The following DLGAP2 variants were observed in gnomAD, a reference collection of about 807,000 sequenced individuals.
DLGAP2 encodes DLG associated protein 2.
In DLGAP2, 26 loss-of-function variants were observed where a neutral mutation model predicts 100.3. The ratio of observed to expected loss-of-function variants is 0.26; its 90% confidence interval spans 0.19 to 0.36. DLGAP2 has a LOEUF of 0.36. Ranked by LOEUF, DLGAP2 falls within the 10% of genes least tolerant of loss-of-function variation. The pLI is 1.00. For synonymous variants in DLGAP2, 886 were observed against 630.1 expected (o/e 1.41, Z -6.08); for missense variants, 1,858 against 1,453.2 (o/e 1.28, Z -4.53).
chr8:1,541,170 A>G (rs1446310918), intron 4 of DLGAP2, among the ~76,000 whole-genome samples: 2 of 152,170 alleles, frequency 1.3e-5, no homozygotes, highest in Admixed American at 1.3e-4. Flanking sequence ...CTTCACCCAA[A>G]TTCTTACCTC....
chr8:1,210,738 G>A (rs1488870196), intron 2 of DLGAP2, among the ~76,000 whole-genome samples: 2 of 151,296 alleles, frequency 1.3e-5, no homozygotes, highest in African/African-American at 4.9e-5. Flanking sequence ...CCCGGCCCTG[G>A]TTCCAATGGC....
intron 3 of DLGAP2, chr8:1,381,334 G>A (rs1796089546): frequency 6.6e-6 from 1 of 152,212 alleles, no homozygotes; most frequent in African/African-American, 2.4e-5. Flanking sequence ...ATGAAAAAAT[G>A]GGCCGTTACG....
intron 2 of DLGAP2, among the ~76,000 whole-genome samples, chr8:997,057 A>C (rs1800802020): frequency 6.6e-6 from 1 of 152,234 alleles, no homozygotes; most frequent in Non-Finnish European, 1.5e-5. Flanking sequence ...GAATAGAGAA[A>C]GTATAATATA....
At chr8:1,023,252 G>T (rs556709077) in intron 2 of DLGAP2, among the ~76,000 whole-genome samples, 1 of 152,214 alleles carries the variant, frequency 6.6e-6, no homozygotes, top group Non-Finnish European at 1.5e-5. Flanking sequence ...AGATATAGCA[G>T]TTCAGAAGTG....
At chr8:1,430,033 C>CATATATATATATATATATAT (rs1797379979) in intron 3 of DLGAP2, among the ~76,000 whole-genome samples, 1 of 24,766 alleles carries the variant, frequency 4.0e-5, no homozygotes, top group African/African-American at 9.3e-5. Flanking sequence ...TATATACACA[C>CATATATATATATATATATAT]ACACACATAT....
At chr8:1,154,043 G>C (rs375766896) in intron 2 of DLGAP2, among the ~76,000 whole-genome samples, 2 of 151,944 alleles carry the variant, frequency 1.3e-5, no homozygotes, top group African/African-American at 4.8e-5. Flanking sequence ...GCATAAACAA[G>C]GGGAATATGG....
intron 2 of DLGAP2, among the ~76,000 whole-genome samples, chr8:1,253,771 G>A (rs1799106903): frequency 1.3e-5 from 2 of 152,204 alleles, no homozygotes; most frequent in South Asian, 2.1e-4. Flanking sequence ...CACTAATGAT[G>A]ATGAATCCAC....
chr8:953,982 T>C (rs1799540192), intron 2 of DLGAP2, among the ~76,000 whole-genome samples: 1 of 152,230 alleles, frequency 6.6e-6, no homozygotes, highest in South Asian at 2.1e-4. Flanking sequence ...CTTGTGCCAC[T>C]GGTGCTGGCT....
At chr8:944,160 C>T (rs1440997098) in intron 2 of DLGAP2, among the ~76,000 whole-genome samples, 1 of 152,232 alleles carries the variant, frequency 6.6e-6, no homozygotes, top group Non-Finnish European at 1.5e-5. Context: ...GGTAACTGAT[C>T]CCTGTGGGGT....
intron 2 of DLGAP2, among the ~76,000 whole-genome samples, chr8:966,629 C>CT (rs998502879): frequency 2.1e-5 from 3 of 146,104 alleles, no homozygotes; most frequent in Non-Finnish European, 3.1e-5. Flanking sequence ...TTGTAACCTT[C>CT]TTTTTCCCTC....
chr8:1,235,238 TCTCTCACACATGGCGTC>T (rs1336876736), intron 2 of DLGAP2, among the ~76,000 whole-genome samples: 1 of 123,798 alleles, frequency 8.1e-6, no homozygotes, highest in Non-Finnish European at 1.6e-5. Context: ...CATGTCTAGT[TCTCTCACACATGGCGTC>T]GTGTCTAGTT....
At chr8:741,852 A>G (rs1038096589) in intron 1 of DLGAP2, among the ~76,000 whole-genome samples, 1 of 152,142 alleles carries the variant, frequency 6.6e-6, no homozygotes, top group African/African-American at 2.4e-5. Flanking sequence ...ACTTTCAAGG[A>G]GAGGAAAGCT....
chr8:979,930 G>A (rs941055952), intron 2 of DLGAP2, among the ~76,000 whole-genome samples: 2 of 152,200 alleles, frequency 1.3e-5, no homozygotes, highest in Non-Finnish European at 2.9e-5. Flanking sequence ...TAAGAAAGAG[G>A]AGTGAGAGAG....
At chr8:1,143,274 G>A (rs530056476) in intron 2 of DLGAP2, among the ~76,000 whole-genome samples, 3 of 152,310 alleles carry the variant, frequency 2.0e-5, no homozygotes, top group Admixed American at 6.5e-5. Context: ...CGTGAATGAC[G>A]CACTGAAACA....
rs763463880 is a variant in DLGAP2, at chr8:800,175, C to T, written c.18+62350C>T. Among the ~76,000 whole-genome samples, 7 of 152,222 alleles carry T rather than the reference C, an allele frequency of 4.6e-5. No individual in the cohort carries two copies. The East Asian group carries it at 7.7e-4, about 17-fold the overall frequency. Reference sequence around the variant, plus strand: ...CCTGAGGATATGGTCATGCTGTGCCCGAGGTGTGGGTCCTGCCAGGCTCCA... The same window carrying T: ...CCTGAGGATATGGTCATGCTGTGCCTGAGGTGTGGGTCCTGCCAGGCTCCA... On this transcript the variant is annotated intron_variant, in intron 1 of 14. Transcript: ENST00000637795.
At chr8:1,052,646 T>C (rs149420780) in intron 2 of DLGAP2, among the ~76,000 whole-genome samples, 1 of 152,240 alleles carries the variant, frequency 6.6e-6, no homozygotes, top group African/African-American at 2.4e-5. Context: ...ACAAACCCCA[T>C]AGATGTTGCA....
chr8:1,538,892 T>C (rs1257074584), intron 4 of DLGAP2, among the ~76,000 whole-genome samples: 2 of 150,536 alleles, frequency 1.3e-5, no homozygotes, highest in African/African-American at 2.4e-5. Context: ...CATCTTTTTT[T>C]TTTTTTTTTT....
At chr8:1,325,746 C>T (rs1442827701) in intron 3 of DLGAP2, among the ~76,000 whole-genome samples, 1 of 152,198 alleles carries the variant, frequency 6.6e-6, no homozygotes, top group African/African-American at 2.4e-5. Flanking sequence ...AGAAAAATGA[C>T]AGACTCAGGT....
intron 1 of DLGAP2, among the ~76,000 whole-genome samples, chr8:899,876 T>G (rs868581935): frequency 6.6e-6 from 1 of 152,208 alleles, no homozygotes; most frequent in African/African-American, 2.4e-5. Context: ...TTATTTGTTA[T>G]GTGAACTGCA....
Sources: allele counts gnomAD v4.1 joint callset (sites outside exome capture counted in the v4.1 genomes callset), GRCh38; gene constraint gnomAD v4.1.1; transcripts MANE v1.5; gene names NCBI Gene and HGNC (gene_info 2026-07-23, HGNC 2026-07-21).